Variants in STRN3 observed in about 807,000 individuals in gnomAD.
STRN3 encodes striatin 3, also known as striatin-3.
A neutral mutation model predicts 95.6 loss-of-function variants in STRN3; 29 were observed. That is an observed-to-expected ratio of 0.30 (90% confidence interval 0.23 to 0.41). STRN3 has a LOEUF of 0.41. STRN3 is among the 10% of genes least tolerant of loss of function. The probability of loss-of-function intolerance (pLI) is 1.00; values close to 1 mark genes in which losing one functional copy is unlikely to be tolerated. For missense variants in STRN3, 890 were observed against 972.1 expected (o/e 0.92, Z 1.12); for synonymous variants, 331 against 357.6 (o/e 0.93, Z 0.84).
At chr14:30,896,094 C>T (rs573208392) in intron 16 of STRN3, among the ~76,000 whole-genome samples, 17 of 152,312 alleles carry the variant, frequency 1.1e-4, no homozygotes, top group African/African-American at 3.8e-4. Flanking sequence ...CTGGATACTT[C>T]GTATAAGTGA....
chr14:30,918,842 C>G, intron 9 of STRN3, 124 bp downstream of exon 9: 1 of 1,007,286 alleles, frequency 9.9e-7, no homozygotes, highest in Non-Finnish European at 1.3e-6. Context: ...TTGCCCAACA[C>G]CTTCTCTAAA....
chr14:30,962,981 T>A (rs1016512908), intron 1 of STRN3, among the ~76,000 whole-genome samples: 12 of 152,214 alleles, frequency 7.9e-5, no homozygotes, highest in Admixed American at 3.3e-4. Context: ...AAGTGCAGGC[T>A]ATATTATCTA....
intron 1 of STRN3, among the ~76,000 whole-genome samples, chr14:30,998,384 T>C (rs1882299669): frequency 6.6e-6 from 1 of 152,208 alleles, no homozygotes; most frequent in African/African-American, 2.4e-5. Flanking sequence ...ATGAGATGTA[T>C]GCAGGGGACT....
chr14:30,919,327 CA>C (rs2139014762), intron 8 of STRN3, among the ~76,000 whole-genome samples: 1 of 150,712 alleles, frequency 6.6e-6, no homozygotes, highest in African/African-American at 2.5e-5. Flanking sequence ...TATAAAGATA[CA>C]TATCTATATT....
At chr14:31,000,620 G>A (rs1882401816) in intron 1 of STRN3, among the ~76,000 whole-genome samples, 1 of 152,068 alleles carries the variant, frequency 6.6e-6, no homozygotes, top group African/African-American at 2.4e-5. Flanking sequence ...CTGATCTTCG[G>A]TAGTGAGGTT....
At chr14:31,004,504 T>G (rs965358453) in intron 1 of STRN3, among the ~76,000 whole-genome samples, 1 of 152,180 alleles carries the variant, frequency 6.6e-6, no homozygotes, top group African/African-American at 2.4e-5. Flanking sequence ...CTGGGCCTGA[T>G]GGCTCACACC....
intron 7 of STRN3, chr14:30,932,024 T>C (rs1423577000): frequency 6.6e-6 from 1 of 152,250 alleles, no homozygotes; most frequent in Non-Finnish European, 1.5e-5. Context: ...CCCAGCACTT[T>C]GGGAGGCCGT....
At chr14:30,929,961 A>AAAAAAAAAAAAAAAAAAAC (rs1878417826) in intron 7 of STRN3, among the ~76,000 whole-genome samples, 3 of 144,148 alleles carry the variant, frequency 2.1e-5, no homozygotes, top group Non-Finnish European at 4.6e-5. Context: ...TAGCAAAAAA[A>AAAAAAAAAAAAAAAAAAAC]AAAAAAAAAA....
At chr14:30,895,876 C>CA in intron 16 of STRN3, 128 bp from the exon 17 acceptor site, 1 of 766,240 alleles carries the variant, frequency 1.3e-6, no homozygotes, top group East Asian at 2.7e-5. Flanking sequence ...AAAATATACA[C>CA]AACATAAAAT....
intron 1 of STRN3, among the ~76,000 whole-genome samples, chr14:31,002,922 T>G (rs963625819): frequency 6.6e-6 from 1 of 152,090 alleles, no homozygotes; most frequent in Non-Finnish European, 1.5e-5. Flanking sequence ...GTAGTAAAGG[T>G]TGCACAACAT....
chr14:30,978,233 T>A (rs1881211207), intron 1 of STRN3, among the ~76,000 whole-genome samples: 1 of 152,154 alleles, frequency 6.6e-6, no homozygotes, highest in African/African-American at 2.4e-5. Flanking sequence ...ATATCTCTCA[T>A]GAGCATAGAT....
In STRN3 at chr14:30,894,873, T is replaced by A; in HGVS notation, c.*538A>T. On this transcript the variant is annotated 3_prime_UTR_variant, in exon 18 of 18. Coordinates refer to ENST00000357479, the MANE Select transcript of STRN3 (RefSeq NM_001083893.2). ...TTTGTGCAACTAATGCTAAAATATT[T>A]TAAGTTAAATTTTCTTTTTCTTTTT... 1 of 842,162 alleles carries A rather than the reference T, an allele frequency of 1.2e-6. No homozygotes were observed. Among genetic ancestry groups the A allele is most frequent in the Non-Finnish European group, 1.6e-6 (1 of 641,348 alleles). The allele number at this position is 842,162 out of a possible 1,614,324, so 52.2% of individuals were successfully genotyped here.
chr14:30,903,954 G>A (rs370702795), intron 15 of STRN3, among the ~76,000 whole-genome samples: 4 of 152,224 alleles, frequency 2.6e-5, no homozygotes, highest in African/African-American at 9.6e-5. Flanking sequence ...AATAAAATGA[G>A]AAACAATTTT....
intron 1 of STRN3, among the ~76,000 whole-genome samples, chr14:31,016,491 T>C (rs1204944524): frequency 6.6e-6 from 1 of 152,066 alleles, no homozygotes; most frequent in Non-Finnish European, 1.5e-5. Flanking sequence ...GGGTTCCCCA[T>C]TCACAGATTC....
chr14:30,915,716 G>GT (rs1896720543), intron 9 of STRN3, among the ~76,000 whole-genome samples: 1 of 152,124 alleles, frequency 6.6e-6, no homozygotes, highest in African/African-American at 2.4e-5. Flanking sequence ...TCTAAGAGAA[G>GT]TCAGAACAAA....
At chr14:30,947,342 AC>A in intron 4 of STRN3, 79 bp from the exon 5 acceptor site, 1 of 1,159,038 alleles carries the variant, frequency 8.6e-7, no homozygotes, top group Non-Finnish European at 1.2e-6. Context: ...TTTTAGAAAA[AC>A]CCATAATCCT....
intron 7 of STRN3, chr14:30,932,494 T>C (rs1041730602): frequency 2.6e-5 from 4 of 152,038 alleles, no homozygotes; most frequent in African/African-American, 9.7e-5. Flanking sequence ...ATTTGAACGA[T>C]CTTGTACTTA....
intron 7 of STRN3, among the ~76,000 whole-genome samples, chr14:30,929,774 G>A (rs1021527559): frequency 6.6e-6 from 1 of 151,622 alleles, no homozygotes; most frequent in African/African-American, 2.4e-5. Flanking sequence ...TACTGATTCT[G>A]CATGCACAGG....
rs1896083332 is a variant in STRN3, at chr14:30,894,801, C to T, written c.*610G>A. On this transcript the variant is annotated 3_prime_UTR_variant, in exon 18 of 18. Coordinates refer to ENST00000357479, the MANE Select transcript of STRN3 (RefSeq NM_001083893.2). ...CAATCTTGAGCACTGTTGTGACAGGCTAAATATATAAAAAGACTTATAAAA... is the reference window on the plus strand; with the variant it reads ...CAATCTTGAGCACTGTTGTGACAGGTTAAATATATAAAAAGACTTATAAAA... 3.2e-6 allele frequency: 1 copy of T among 311,604 alleles called. No individual in the cohort carries two copies. The highest frequency in any genetic ancestry group is 5.5e-6 in the Non-Finnish European group (1 of 180,554). 19.3% of individuals were successfully genotyped at this position (311,604 alleles called of 1,614,324 possible).
Sources: gnomAD v4.1 joint callset for allele counts (sites outside exome capture counted in the v4.1 genomes callset) on GRCh38, gnomAD v4.1.1 for gene constraint, MANE v1.5 for transcripts, NCBI Gene and HGNC (gene_info 2026-07-23, HGNC 2026-07-21) for gene names.